AKT3: variants seen among roughly 807,000 people sequenced by gnomAD.
AKT3 encodes AKT serine/threonine kinase 3, also known as RAC-gamma serine/threonine-protein kinase.
In AKT3, 15 loss-of-function variants were observed where a neutral mutation model predicts 65.3. The observed-to-expected ratio is 0.23, with a 90% CI of 0.15 to 0.35. AKT3 has a LOEUF of 0.35. AKT3 is among the 10% of genes least tolerant of loss of function. The probability of loss-of-function intolerance (pLI) is 1.00; values close to 1 mark genes in which losing one functional copy is unlikely to be tolerated. For synonymous variants in AKT3, 206 were observed against 183.8 expected, an observed-to-expected ratio of 1.12 and a Z score of -0.98; for missense variants, 243 against 576.5, an observed-to-expected ratio of 0.42 and a Z score of 5.92.
chr1:243,810,975 C>T (rs1040253420), intron 2 of AKT3, among the ~76,000 whole-genome samples: 2 of 152,092 alleles, frequency 1.3e-5, no homozygotes, highest in African/African-American at 4.8e-5. Context: ...ATTCAACAGC[C>T]CTTCATGCTA....
At chr1:243,745,438 T>C (rs567346713) in intron 2 of AKT3, among the ~76,000 whole-genome samples, 1 of 152,300 alleles carries the variant, frequency 6.6e-6, no homozygotes, top group South Asian at 2.1e-4. Context: ...ACTAAAAACA[T>C]GTATGGATTT....
intron 2 of AKT3, among the ~76,000 whole-genome samples, chr1:243,742,714 C>T (rs1004778340): frequency 6.6e-6 from 1 of 152,136 alleles, no homozygotes; most frequent in Non-Finnish European, 1.5e-5. Context: ...ATAAAACAAA[C>T]GTTTGTCCTT....
At chr1:243,789,539 C>T (rs904521823) in intron 2 of AKT3, among the ~76,000 whole-genome samples, 5 of 152,184 alleles carry the variant, frequency 3.3e-5, no homozygotes, top group Non-Finnish European at 7.4e-5. Flanking sequence ...TTACTTTCTT[C>T]TTTGAAGTCT....
intron 6 of AKT3, among the ~76,000 whole-genome samples, chr1:243,619,041 T>C (rs1678547730): frequency 6.6e-6 from 1 of 152,088 alleles, no homozygotes; most frequent in African/African-American, 2.4e-5. Flanking sequence ...ACCTACTATC[T>C]ACTTCACTAG....
chr1:243,709,751 G>C (rs952952348), intron 2 of AKT3, among the ~76,000 whole-genome samples: 1 of 151,818 alleles, frequency 6.6e-6, no homozygotes, highest in Non-Finnish European at 1.5e-5. Context: ...ATATACTTAC[G>C]TTTAAATATC....
rs1558586065 is a variant in AKT3 at position 243,523,306 on chromosome 1, CA to C, written c.1252-10881del. Among the ~76,000 whole-genome samples the C allele has an allele frequency of 1.8e-4, 27 of 147,064 alleles. 1 individual carries two copies. The highest frequency in any genetic ancestry group is 4.0e-4 in the East Asian group (2 of 5,012). On this transcript the variant is annotated intron_variant, in intron 12 of 13. Transcript: ENST00000673466. ...ACACACACACACACACACACACACA[CA>C]CCTTTCAGAAACCAATTGGATATCC...
At chr1:243,626,695 C>T (rs911847080) in intron 6 of AKT3, among the ~76,000 whole-genome samples, 17 of 152,116 alleles carry the variant, frequency 1.1e-4, no homozygotes, top group African/African-American at 4.1e-4. Flanking sequence ...ATTCCAAAAC[C>T]TATTGGTAAA....
At chr1:243,545,480 T>G (rs1234246402) in intron 12 of AKT3, 30 bp downstream of exon 12, 1 of 1,404,250 alleles carries the variant, frequency 7.1e-7, no homozygotes, top group Non-Finnish European at 1.0e-6. Context: ...AGCCAAAATA[T>G]ATACACACTA....
At chr1:243,673,957 G>C (rs572335310) in intron 3 of AKT3, among the ~76,000 whole-genome samples, 5 of 152,184 alleles carry the variant, frequency 3.3e-5, no homozygotes, top group South Asian at 2.1e-4. Flanking sequence ...GATGAAACTG[G>C]GATTTGATAA....
At chr1:243,776,367 T>C (rs1690545815) in intron 2 of AKT3, among the ~76,000 whole-genome samples, 1 of 152,208 alleles carries the variant, frequency 6.6e-6, no homozygotes, top group Non-Finnish European at 1.5e-5. Flanking sequence ...CCTAGTGTGA[T>C]ATTTGAAATG....
At chr1:243,782,604 A>G (rs529869676) in intron 2 of AKT3, among the ~76,000 whole-genome samples, 24 of 152,212 alleles carry the variant, frequency 1.6e-4, no homozygotes, top group African/African-American at 2.9e-4. Context: ...GGAGGTAGGG[A>G]AGGACAAACA....
chr1:243,726,492 TTTAAG>T (rs1687220039), intron 2 of AKT3, among the ~76,000 whole-genome samples: 1 of 152,230 alleles, frequency 6.6e-6, no homozygotes, highest in Admixed American at 6.5e-5. Context: ...TTTGGTAATA[TTTAAG>T]TTCAGTTTCT....
intron 2 of AKT3, among the ~76,000 whole-genome samples, chr1:243,798,043 C>T (rs1398043215): frequency 1.3e-5 from 2 of 150,226 alleles, no homozygotes; most frequent in African/African-American, 4.9e-5. Context: ...CCACCACACC[C>T]GTCTAATTTT....
At chr1:243,674,374 G>A (rs2147952237) in intron 3 of AKT3, among the ~76,000 whole-genome samples, 1 of 151,902 alleles carries the variant, frequency 6.6e-6, no homozygotes, top group Non-Finnish European at 1.5e-5. Flanking sequence ...ACTAAGAGCT[G>A]GTCAACCAAA....
At chr1:243,783,764 T>C (rs915429056) in intron 2 of AKT3, among the ~76,000 whole-genome samples, 1 of 152,130 alleles carries the variant, frequency 6.6e-6, no homozygotes, top group African/African-American at 2.4e-5. Context: ...AATAATAACT[T>C]AGTCAACATT....
intron 2 of AKT3, among the ~76,000 whole-genome samples, chr1:243,710,500 A>G (rs1686075712): frequency 6.6e-6 from 1 of 152,172 alleles, no homozygotes. Flanking sequence ...ACCAAAATAG[A>G]AGTTCTTAGT....
At position 243,619,519 on chromosome 1, in the gene AKT3, C is replaced by T. The variant is rs575275720; in HGVS notation, c.562-4358G>A. Among the ~76,000 whole-genome samples, 54 of 43,454 alleles carry T rather than the reference C, an allele frequency of 1.2e-3. 8 individuals are homozygous for T. Among genetic ancestry groups the T allele is most frequent in the African/African-American group, 1.8e-3 (49 of 26,760 alleles). The allele number at this position is 43,454 out of a possible 152,430, so 28.5% of individuals were successfully genotyped here. A position where few individuals can be genotyped will look rare whatever the true frequency, so the allele number is the denominator to read the frequency against. ...TCCCCATCCCCCTACCATTCCCAGC[C>T]TCTAGGAACAACCAATCTACTGTCT... On this transcript the variant is annotated intron_variant, in intron 6 of 13. Coordinates refer to ENST00000673466, the MANE Select transcript of AKT3 (RefSeq NM_005465.7).
intron 13 of AKT3, among the ~76,000 whole-genome samples, chr1:243,510,640 C>T (rs1421871023): frequency 1.3e-5 from 2 of 152,122 alleles, no homozygotes; most frequent in African/African-American, 4.8e-5. Context: ...GGCATGGTGA[C>T]GTGTGGCATG....
chr1:243,834,650 G>A (rs1411570245), intron 2 of AKT3, among the ~76,000 whole-genome samples: 2 of 151,746 alleles, frequency 1.3e-5, no homozygotes, highest in Non-Finnish European at 2.9e-5. Context: ...TTACCCGGAT[G>A]ACGAAATAAT....
Sources: allele counts gnomAD v4.1 joint callset (sites outside exome capture counted in the v4.1 genomes callset), GRCh38; gene constraint gnomAD v4.1.1; transcripts MANE v1.5; gene names NCBI Gene and HGNC (gene_info 2026-07-23, HGNC 2026-07-21).